Variants in TRIM2 observed in about 807,000 individuals in gnomAD.
The protein encoded by TRIM2 is tripartite motif containing 2.
A neutral mutation model predicts 75.2 loss-of-function variants in TRIM2; 20 were observed. The ratio of observed to expected loss-of-function variants is 0.27; its 90% confidence interval spans 0.19 to 0.39. TRIM2 has a LOEUF of 0.39. Ranked by LOEUF, TRIM2 falls within the 10% of genes least tolerant of loss-of-function variation. The pLI is 1.00. For synonymous variants in TRIM2, 373 were observed against 388.3 expected, an observed-to-expected ratio of 0.96 and a Z score of 0.46; for missense variants, 660 against 990.8, an observed-to-expected ratio of 0.67 and a Z score of 4.48.
chr4:153,283,803 A>AT (rs1759917730), intron 3 of TRIM2, among the ~76,000 whole-genome samples: 1 of 146,556 alleles, frequency 6.8e-6, no homozygotes, highest in Non-Finnish European at 1.5e-5. Flanking sequence ...CGCCCCGTGA[A>AT]TTTTTTGTAT....
chr4:153,322,510 T>C (rs764754767), intron 8 of TRIM2, 138 bp from the exon 9 acceptor site: 65 of 809,438 alleles, frequency 8.0e-5, no homozygotes, highest in South Asian at 2.3e-4. Context: ...CAGAAGTTCA[T>C]TGTGATATAT....
intron 8 of TRIM2, among the ~76,000 whole-genome samples, chr4:153,317,464 C>G (rs561503676): frequency 6.6e-6 from 1 of 150,866 alleles, no homozygotes; most frequent in Non-Finnish European, 1.5e-5. Context: ...CTGGCTAACA[C>G]GGTGAAACCC....
At chr4:153,221,887 GAAGGAAGGAGGGAGGAAGGA>G (rs1284683731) in intron 1 of TRIM2, among the ~76,000 whole-genome samples, 3 of 101,422 alleles carry the variant, frequency 3.0e-5, no homozygotes, top group Non-Finnish European at 4.2e-5. Context: ...AAGGAGGAAG[GAAGGAAGGAGGGAGGAAGGA>G]AGGGAGGGAG....
intron 6 of TRIM2, among the ~76,000 whole-genome samples, chr4:153,312,340 T>G (rs1472175847): frequency 6.6e-6 from 1 of 152,026 alleles, no homozygotes; most frequent in Admixed American, 6.6e-5. Context: ...TTGGTTCCAA[T>G]TCTTTGCTAT....
chr4:153,297,380 C>T (rs1445232933), intron 6 of TRIM2, among the ~76,000 whole-genome samples: 1 of 152,132 alleles, frequency 6.6e-6, no homozygotes, highest in Non-Finnish European at 1.5e-5. Context: ...TTACTTGAGC[C>T]TTGGGCAAAT....
intron 1 of TRIM2, among the ~76,000 whole-genome samples, chr4:153,221,839 GGAAAGCGCGAGGAAAGAAGAGAGA>G (rs1740234649): frequency 9.4e-6 from 1 of 106,478 alleles, no homozygotes; most frequent in Non-Finnish European, 2.0e-5. Flanking sequence ...AAGGAAGGAA[GGAAAGCGCGAGGAAAGAAGAGAGA>G]GAGGAAGGAA....
chr4:153,320,022 A>G (rs553551281), intron 8 of TRIM2, among the ~76,000 whole-genome samples: 18 of 152,342 alleles, frequency 1.2e-4, no homozygotes, highest in African/African-American at 4.3e-4. Context: ...CTAAGCAACT[A>G]CAAGTGTTCA....
intron 1 of TRIM2, among the ~76,000 whole-genome samples, chr4:153,199,129 T>C (rs1437075794): frequency 6.6e-6 from 1 of 152,188 alleles, no homozygotes; most frequent in Admixed American, 6.5e-5. Context: ...GCCCCGGGGA[T>C]ATGTGAAACA....
chr4:153,277,652 A>G (rs552130963), intron 3 of TRIM2, among the ~76,000 whole-genome samples: 18 of 152,352 alleles, frequency 1.2e-4, no homozygotes, highest in African/African-American at 4.3e-4. Context: ...AGGCTGAAAC[A>G]GTTTAAGTCA....
At chr4:153,257,899 C>G (rs1257829270) in intron 1 of TRIM2, 1 of 274,158 alleles carries the variant, frequency 3.6e-6, no homozygotes, top group African/African-American at 2.2e-5. Flanking sequence ...AAATGCAGAC[C>G]CATTCTTTGC....
At chr4:153,229,054 T>G (rs1052060503) in intron 1 of TRIM2, among the ~76,000 whole-genome samples, 1 of 152,084 alleles carries the variant, frequency 6.6e-6, no homozygotes, top group African/African-American at 2.4e-5. Flanking sequence ...CTGTGCAAAG[T>G]GCTGGTTTTT....
At chr4:153,211,723 C>T (rs945759890) in intron 1 of TRIM2, among the ~76,000 whole-genome samples, 2 of 151,850 alleles carry the variant, frequency 1.3e-5, no homozygotes, top group Non-Finnish European at 2.9e-5. Flanking sequence ...CTCCTGGGCC[C>T]AAATACTCTG....
At chr4:153,249,629 C>CT (rs1750322295) in intron 1 of TRIM2, among the ~76,000 whole-genome samples, 1 of 152,130 alleles carries the variant, frequency 6.6e-6, no homozygotes, top group Non-Finnish European at 1.5e-5. Context: ...CTGCTCCCGC[C>CT]CCGGCCCTGG....
At chr4:153,306,821 GA>G (rs139111002) in intron 6 of TRIM2, among the ~76,000 whole-genome samples, 3,392 of 152,314 alleles carry the variant, frequency 0.022, 44 homozygotes, top group Non-Finnish European at 0.034. Flanking sequence ...CTACATATCA[GA>G]GCTCCCCTGG....
At chr4:153,230,085 G>C (rs1189050399) in intron 1 of TRIM2, among the ~76,000 whole-genome samples, 1 of 152,216 alleles carries the variant, frequency 6.6e-6, no homozygotes, top group Admixed American at 6.5e-5. Flanking sequence ...TCCTAGATCT[G>C]TCTTTCAGTC....
intron 1 of TRIM2, among the ~76,000 whole-genome samples, chr4:153,216,445 T>G (rs1469720008): frequency 6.6e-6 from 1 of 152,194 alleles, no homozygotes; most frequent in Non-Finnish European, 1.5e-5. Flanking sequence ...GTCCCTAGAC[T>G]CCAGTTGCAA....
chr4:153,284,176 G>A (rs1760053436), intron 3 of TRIM2, among the ~76,000 whole-genome samples: 1 of 151,016 alleles, frequency 6.6e-6, no homozygotes, highest in Non-Finnish European at 1.5e-5. Context: ...ATTGCGCCTG[G>A]CCTGGTTTTT....
chr4:153,201,405 T>C (rs1734354773), upstream of TRIM2, among the ~76,000 whole-genome samples: 1 of 152,222 alleles, frequency 6.6e-6, no homozygotes, highest in Non-Finnish European at 1.5e-5. Context: ...TTTGTCTTTT[T>C]ATTGTTGAAT....
At chr4:153,212,352 TAGAG>T (rs373459697) in intron 1 of TRIM2, among the ~76,000 whole-genome samples, 1 of 152,040 alleles carries the variant, frequency 6.6e-6, no homozygotes, top group Non-Finnish European at 1.5e-5. Context: ...TATGTGGACA[TAGAG>T]AGTGGAATAA....
Sources: gnomAD v4.1 joint callset for allele counts (sites outside exome capture counted in the v4.1 genomes callset) on GRCh38, gnomAD v4.1.1 for gene constraint, MANE v1.5 for transcripts, NCBI Gene and HGNC (gene_info 2026-07-23, HGNC 2026-07-21) for gene names.